Variants in UBR3 observed in about 807,000 individuals in gnomAD.
The protein encoded by UBR3 is ubiquitin protein ligase E3 component n-recognin 3.
UBR3 carries 85 observed loss-of-function variants against 243.2 expected under a neutral mutation model. That is an observed-to-expected ratio of 0.35 (90% CI 0.29 to 0.42). The LOEUF (loss-of-function observed/expected upper bound fraction) is 0.42, where lower values mean the gene tolerates loss of function less well. Among genes scored for constraint, UBR3 ranks in the 10% least tolerant of loss-of-function variants. UBR3 has a pLI of 1.00. For missense variants in UBR3, 1,686 were observed against 2,300.8 expected, an observed-to-expected ratio of 0.73 and a Z score of 5.47; for synonymous variants, 748 against 799.8, an observed-to-expected ratio of 0.94 and a Z score of 1.09.
chr2:169,928,077 G>A (rs182160337), intron 17 of UBR3, among the ~76,000 whole-genome samples: 82 of 152,298 alleles, frequency 5.4e-4, no homozygotes, highest in African/African-American at 1.9e-3. Context: ...TGTGAAATAA[G>A]TCCTATTAGA....
intron 31 of UBR3, among the ~76,000 whole-genome samples, chr2:170,032,263 T>TAAAAAC (rs68127008): frequency 1.1e-4 from 16 of 151,360 alleles, no homozygotes; most frequent in African/African-American, 3.9e-4. Context: ...ATGTGCTTGT[T>TAAAAAC]AAAAACAAAA....
intron 1 of UBR3, among the ~76,000 whole-genome samples, chr2:169,836,037 CTCTCTCTATATATATATA>C (rs1370697178): frequency 6.4e-4 from 8 of 12,546 alleles, no homozygotes; most frequent in Admixed American, 3.1e-3. Flanking sequence ...CTCTCTCTCT[CTCTCTCTATATATATATA>C]TATATATATA....
At chr2:169,971,785 AGCACTAAAT>A (rs2088159840) in intron 24 of UBR3, among the ~76,000 whole-genome samples, 1 of 152,184 alleles carries the variant, frequency 6.6e-6, no homozygotes. Context: ...GGAAATTTAT[AGCACTAAAT>A]GCCCTCAGGA....
rs10530118 is a variant in UBR3 at position 169,829,814 on chromosome 2, TACACAC to T, written c.545+1797_545+1802del. 9.9e-3 allele frequency among the ~76,000 whole-genome samples: 1,480 copies of T among 149,204 alleles called. 19 individuals are homozygous for T. Among genetic ancestry groups the T allele is most frequent in the African/African-American group, 0.027 (1,090 of 40,262 alleles). ...ATAGGTAAAATATATAGCTAAAAAG[TACACAC>T]ACACACACACACACACACACACACA... is the stretch of plus-strand genomic sequence containing the variant. On this transcript the variant is annotated intron_variant, in intron 1 of 38. Coordinates refer to ENST00000272793, the MANE Select transcript of UBR3 (RefSeq NM_172070.4).
chr2:169,925,390 T>C (rs747261643), intron 13 of UBR3, among the ~76,000 whole-genome samples: 3 of 152,130 alleles, frequency 2.0e-5, no homozygotes. Flanking sequence ...GAGGCCAACA[T>C]GGAAAACCAA....
intron 1 of UBR3, among the ~76,000 whole-genome samples, chr2:169,832,280 G>T (rs935390440): frequency 3.3e-5 from 5 of 152,200 alleles, no homozygotes; most frequent in African/African-American, 1.2e-4. Flanking sequence ...GCTGGGCGCG[G>T]TGGCTCACGC....
At chr2:170,005,851 G>C (rs2089894919) in intron 27 of UBR3, among the ~76,000 whole-genome samples, 1 of 152,124 alleles carries the variant, frequency 6.6e-6, no homozygotes. Context: ...AGTGGTTGCA[G>C]GCAGTAGGTG....
intron 11 of UBR3, among the ~76,000 whole-genome samples, chr2:169,917,985 G>A (rs981526470): frequency 1.3e-5 from 2 of 152,216 alleles, no homozygotes; most frequent in Non-Finnish European, 2.9e-5. Context: ...TGACAGGCAC[G>A]AGCCACTGTG....
intron 1 of UBR3, among the ~76,000 whole-genome samples, chr2:169,868,132 A>G (rs1188537808): frequency 6.6e-6 from 1 of 152,126 alleles, no homozygotes; most frequent in Non-Finnish European, 1.5e-5. Context: ...ATTGACTTTG[A>G]TATCTATCCA....
chr2:169,953,602 T>G (rs914857020), intron 23 of UBR3, among the ~76,000 whole-genome samples: 4 of 152,238 alleles, frequency 2.6e-5, no homozygotes, highest in South Asian at 2.1e-4. Context: ...AGAAAAGCAA[T>G]AATCTCGATT....
At chr2:169,831,151 TTTTTGAGA>T (rs1274330709) in intron 1 of UBR3, among the ~76,000 whole-genome samples, 1 of 114,018 alleles carries the variant, frequency 8.8e-6, no homozygotes, top group Non-Finnish European at 1.8e-5. Flanking sequence ...TTTTTTTTTT[TTTTTGAGA>T]GAGAGAGTTT....
At chr2:169,916,728 C>T (rs1415454318) in intron 11 of UBR3, among the ~76,000 whole-genome samples, 1 of 152,050 alleles carries the variant, frequency 6.6e-6, no homozygotes, top group East Asian at 1.9e-4. Context: ...GGCTTTGATT[C>T]CCCATGCCAG....
At chr2:169,890,905 A>G (rs893777397) in intron 5 of UBR3, among the ~76,000 whole-genome samples, 2 of 149,896 alleles carry the variant, frequency 1.3e-5, no homozygotes, top group African/African-American at 4.9e-5. Context: ...TTATCTTGGC[A>G]TTTTGGGGTA....
chr2:169,871,749 A>AAAAAAAAAAAAAAAC (rs2083446286), intron 1 of UBR3, among the ~76,000 whole-genome samples: 1 of 151,586 alleles, frequency 6.6e-6, no homozygotes, highest in Non-Finnish European at 1.5e-5. Context: ...CTCTCAAAAA[A>AAAAAAAAAAAAAAAC]AAAAAAAGAA....
At chr2:170,021,585 C>A (rs775763452) in intron 30 of UBR3, among the ~76,000 whole-genome samples, 1 of 152,164 alleles carries the variant, frequency 6.6e-6, no homozygotes, top group Non-Finnish European at 1.5e-5. Context: ...GTTAGGACTT[C>A]AACATATGAA....
intron 25 of UBR3, among the ~76,000 whole-genome samples, chr2:169,987,519 T>C (rs1030186730): frequency 6.6e-6 from 1 of 151,550 alleles, no homozygotes; most frequent in African/African-American, 2.4e-5. Context: ...CCTTTATTTG[T>C]TCAAACAGTC....
Position 169,827,852 on chromosome 2 carries a change from T to C in UBR3, c.345T>C (p.Asp115=). The change falls in exon 1 of 39, where the codon GAT becomes GAC. Residue 115 remains aspartate (D), a synonymous_variant. Coordinates refer to ENST00000272793, the MANE Select transcript of UBR3 (RefSeq NM_172070.4). ...DEFCAAVRAY[D]PAALCGLVWT... Reference sequence around the variant, plus strand: ...TCTGCGCGGCGGTGCGGGCCTACGATCCCGCGGCGCTCTGCGGCCTGGTCT... The same window carrying C: ...TCTGCGCGGCGGTGCGGGCCTACGACCCCGCGGCGCTCTGCGGCCTGGTCT... 1 of 1,504,802 alleles carries C rather than the reference T, an allele frequency of 6.6e-7. No homozygotes were observed. The highest frequency in any genetic ancestry group is 8.8e-7 in the Non-Finnish European group (1 of 1,131,378). The allele number at this position is 1,504,802 out of a possible 1,614,324, so 93.2% of individuals were successfully genotyped here. A position where few individuals can be genotyped will look rare whatever the true frequency, so the allele number is the denominator to read the frequency against.
intron 10 of UBR3, among the ~76,000 whole-genome samples, chr2:169,908,794 C>T (rs1310805120): frequency 2.7e-5 from 4 of 150,048 alleles, no homozygotes; most frequent in African/African-American, 7.4e-5. Flanking sequence ...AGGGAATAGC[C>T]TACCTTCAGT....
At chr2:169,895,573 T>A (rs1331551902) in intron 7 of UBR3, among the ~76,000 whole-genome samples, 1 of 152,226 alleles carries the variant, frequency 6.6e-6, no homozygotes, top group Non-Finnish European at 1.5e-5. Context: ...GGAACAAACA[T>A]TGAAACCACA....
Sources: allele counts gnomAD v4.1 joint callset (sites outside exome capture counted in the v4.1 genomes callset), GRCh38; gene constraint gnomAD v4.1.1; transcripts MANE v1.5; gene names NCBI Gene and HGNC (gene_info 2026-07-23, HGNC 2026-07-21).